GBF1: variants seen among roughly 807,000 people sequenced by gnomAD.
GBF1 encodes the protein Golgi-specific brefeldin A-resistance guanine nucleotide exchange factor 1.
A neutral mutation model predicts 210.5 loss-of-function variants in GBF1; 114 were observed. The ratio of observed to expected loss-of-function variants is 0.54; its 90% CI spans 0.47 to 0.63. The LOEUF (loss-of-function observed/expected upper bound fraction) is 0.63, where lower values mean the gene tolerates loss of function less well. Ranked by LOEUF, GBF1 falls within the 30% of genes least tolerant of loss-of-function variation. The probability of loss-of-function intolerance (pLI) is 0.00; values close to 1 mark genes in which losing one functional copy is unlikely to be tolerated. For missense variants in GBF1, 1,851 were observed against 2,357.7 expected, an observed-to-expected ratio of 0.79 and a Z score of 4.45; for synonymous variants, 850 against 889.2, an observed-to-expected ratio of 0.96 and a Z score of 0.78.
intron 3 of GBF1, among the ~76,000 whole-genome samples, chr10:102,303,590 G>A (rs1312946973): frequency 6.6e-6 from 1 of 152,184 alleles, no homozygotes. Flanking sequence ...ACACCTGAGT[G>A]AGAACAGGTT....
intron 3 of GBF1, among the ~76,000 whole-genome samples, chr10:102,301,375 A>G (rs1197155438): frequency 1.3e-5 from 2 of 152,208 alleles, no homozygotes; most frequent in African/African-American, 2.4e-5. Flanking sequence ...TCCTGTGTCT[A>G]CTTCTTTCTA....
intron 1 of GBF1, among the ~76,000 whole-genome samples, chr10:102,250,524 ATT>A (rs60331671): frequency 0.64 from 92,100 of 143,276 alleles, 29,371 homozygotes; most frequent in East Asian, 0.75. Context: ...TGTCCCACTA[ATT>A]TTTTTTTTTT....
intron 3 of GBF1, among the ~76,000 whole-genome samples, chr10:102,332,756 C>T (rs1055357324): frequency 4.6e-5 from 7 of 152,246 alleles, no homozygotes; most frequent in East Asian, 3.9e-4. Flanking sequence ...ATCTATGGAT[C>T]CTGATTTTTA....
At chr10:102,291,306 C>T (rs2133657205) in intron 3 of GBF1, among the ~76,000 whole-genome samples, 1 of 152,148 alleles carries the variant, frequency 6.6e-6, no homozygotes, top group Non-Finnish European at 1.5e-5. Context: ...AGTTTATTTG[C>T]ATTTGAAGTG....
chr10:102,307,689 G>A (rs1470673304), intron 3 of GBF1, among the ~76,000 whole-genome samples: 1 of 152,126 alleles, frequency 6.6e-6, no homozygotes, highest in East Asian at 1.9e-4. Flanking sequence ...TGCCGGGGAG[G>A]CTGAGGCAGC....
chr10:102,288,347 T>C (rs1201638341), intron 3 of GBF1, among the ~76,000 whole-genome samples: 1 of 152,206 alleles, frequency 6.6e-6, no homozygotes, highest in Non-Finnish European at 1.5e-5. Context: ...TATAATGATA[T>C]GAGCTCTTTT....
chr10:102,299,522 C>A (rs2077168668), intron 3 of GBF1, among the ~76,000 whole-genome samples: 1 of 152,190 alleles, frequency 6.6e-6, no homozygotes, highest in Non-Finnish European at 1.5e-5. Context: ...GTGGCTCATG[C>A]CTGTAATCCC....
rs2060913262 is a variant in GBF1, at chr10:102,382,422, T to C, written c.*86T>C. 1.6e-6 allele frequency: 2 copies of C among 1,240,168 alleles called. No homozygotes were observed. Among genetic ancestry groups the C allele is most frequent in the East Asian group, 2.4e-5 (1 of 41,452 alleles). The allele number at this position is 1,240,168 out of a possible 1,614,324, so 76.8% of individuals were successfully genotyped here. A position where few individuals can be genotyped will look rare whatever the true frequency, so the allele number is the denominator to read the frequency against. On this transcript the variant is annotated 3_prime_UTR_variant, in exon 40 of 40. Transcript: ENST00000369983. ...TGGCTGTCCTGCGGGCCACAAGCTCTTCAGGCCAAGTCAGAGCTGCTGTTG... is the reference window on the plus strand; with the variant it reads ...TGGCTGTCCTGCGGGCCACAAGCTCCTCAGGCCAAGTCAGAGCTGCTGTTG...
Position 102,347,084 on chromosome 10 carries a change from C to G in GBF1, c.295+2902C>G, listed in dbSNP as rs2058626316. On this transcript the variant is annotated intron_variant, in intron 4 of 39. Coordinates refer to ENST00000369983, the MANE Select transcript of GBF1 (RefSeq NM_001377137.1). ...GACACTCAATTTGGGAATTCATTTT[C>G]CCTGATTGGCAGCCCATGTACAAGG... 2.6e-5 allele frequency among the ~76,000 whole-genome samples: 4 copies of G among 152,140 alleles called. No homozygotes were observed. In the South Asian group the frequency reaches 8.3e-4, roughly 31 times the overall value.
At chr10:102,369,122 C>A in intron 23 of GBF1, 89 bp from the exon 24 acceptor site, 1 of 979,520 alleles carries the variant, frequency 1.0e-6, no homozygotes, top group Non-Finnish European at 1.6e-6. Context: ...ACAAAAGGAC[C>A]TGAGGGAACC....
the GBF1 span, chr10:102,232,010 G>T: frequency 6.2e-7 from 1 of 1,610,016 alleles, no homozygotes. Flanking sequence ...CTGGGGGTGC[G>T]GAGTGCCAGC....
intron 3 of GBF1, among the ~76,000 whole-genome samples, chr10:102,334,531 G>T (rs1397295846): frequency 6.6e-6 from 1 of 152,206 alleles, no homozygotes; most frequent in Non-Finnish European, 1.5e-5. Context: ...GATGGTAGCA[G>T]CTCTGACATG....
intron 3 of GBF1, among the ~76,000 whole-genome samples, chr10:102,299,238 T>C (rs111615546): frequency 0.011 from 1,657 of 152,314 alleles, 31 homozygotes; most frequent in African/African-American, 0.033. Context: ...GCTGAGTGAA[T>C]GATTCCAGTT....
At chr10:102,306,221 G>T (rs1004910742) in intron 3 of GBF1, among the ~76,000 whole-genome samples, 3 of 152,152 alleles carry the variant, frequency 2.0e-5, no homozygotes, top group Admixed American at 6.5e-5. Flanking sequence ...AATGAGCTGG[G>T]TGTCTGTTTC....
At chr10:102,264,581 G>A (rs1255226972) in intron 3 of GBF1, among the ~76,000 whole-genome samples, 2 of 151,880 alleles carry the variant, frequency 1.3e-5, no homozygotes, top group African/African-American at 4.8e-5. Context: ...GTTTGATCAG[G>A]TGTGGCAGGA....
intron 3 of GBF1, among the ~76,000 whole-genome samples, chr10:102,268,529 A>G (rs2074093184): frequency 6.6e-6 from 1 of 152,044 alleles, no homozygotes; most frequent in Non-Finnish European, 1.5e-5. Context: ...GAAACTTCTG[A>G]GTATATGCCC....
At chr10:102,270,320 C>G (rs571668924) in intron 3 of GBF1, among the ~76,000 whole-genome samples, 29 of 152,148 alleles carry the variant, frequency 1.9e-4, no homozygotes, top group African/African-American at 5.8e-4. Flanking sequence ...CAGGCACGGG[C>G]CACCACGCCC....
At chr10:102,277,130 T>C (rs1308991237) in intron 3 of GBF1, among the ~76,000 whole-genome samples, 1 of 152,098 alleles carries the variant, frequency 6.6e-6, no homozygotes, top group Non-Finnish European at 1.5e-5. Context: ...AATTTGAGAT[T>C]ATCCTGGGCA....
chr10:102,294,737 C>T (rs1222859331), intron 3 of GBF1, among the ~76,000 whole-genome samples: 1 of 152,044 alleles, frequency 6.6e-6, no homozygotes, highest in East Asian at 1.9e-4. Flanking sequence ...TATACAAATC[C>T]TTACCATTGT....
Sources: gnomAD v4.1 joint callset for allele counts (sites outside exome capture counted in the v4.1 genomes callset) on GRCh38, gnomAD v4.1.1 for gene constraint, MANE v1.5 for transcripts, NCBI Gene and HGNC (gene_info 2026-07-23, HGNC 2026-07-21) for gene names.